Variants in NAA38 observed in about 807,000 individuals in gnomAD.
NAA38 encodes LSM domain containing 1.
Under a neutral mutation model 12.6 loss-of-function variants are expected in NAA38, and 15 were observed. The observed-to-expected ratio is 1.19, with a 90% CI of 0.79 to 1.83. The LOEUF (loss-of-function observed/expected upper bound fraction) is 1.83. Ranked by LOEUF, NAA38 falls within the 40% of genes most tolerant of loss-of-function variation. The probability of loss-of-function intolerance (pLI) is 0.00; values close to 1 mark genes in which losing one functional copy is unlikely to be tolerated. For missense variants in NAA38, 183 were observed against 171.7 expected (o/e 1.07, Z -0.37); for synonymous variants, 88 against 69.9 (o/e 1.26, Z -1.29).
intron 1 of NAA38, among the ~76,000 whole-genome samples, chr17:7,883,939 C>CT (rs1339196581): frequency 6.6e-6 from 1 of 151,816 alleles, no homozygotes; most frequent in Admixed American, 6.6e-5. Flanking sequence ...ACTAGTTAAC[C>CT]TTTAACAATT....
chr17:7,879,613 T>C (rs1967234636), intron 2 of NAA38, among the ~76,000 whole-genome samples: 1 of 151,604 alleles, frequency 6.6e-6, no homozygotes, highest in East Asian at 2.0e-4. Flanking sequence ...TTGAGTTCTT[T>C]GTTCTCACCT....
intron 2 of NAA38, among the ~76,000 whole-genome samples, chr17:7,878,902 G>A (rs1967222261): frequency 6.6e-6 from 1 of 151,488 alleles, no homozygotes; most frequent in South Asian, 2.1e-4. Flanking sequence ...CTTTAGAAAG[G>A]AAGTTTTTAA....
intron 2 of NAA38, among the ~76,000 whole-genome samples, chr17:7,878,921 A>C (rs1321767623): frequency 6.6e-6 from 1 of 151,640 alleles, no homozygotes; most frequent in African/African-American, 2.4e-5. Flanking sequence ...AACATTATAA[A>C]TATGTATATG....
At chr17:7,874,265 C>T (rs189791848) in intron 2 of NAA38, among the ~76,000 whole-genome samples, 14 of 151,978 alleles carry the variant, frequency 9.2e-5, no homozygotes, top group African/African-American at 3.4e-4. Context: ...AAAGTTGTGG[C>T]CCAAGTTGGG....
intron 2 of NAA38, chr17:7,866,700 G>T (rs1460793300): frequency 4.0e-5 from 16 of 399,486 alleles, no homozygotes; most frequent in Non-Finnish European, 7.0e-5. Flanking sequence ...CTCCAGTTAT[G>T]TCAAGTCCCT....
At chr17:7,877,430 T>C (rs1307650004) in intron 2 of NAA38, among the ~76,000 whole-genome samples, 4 of 151,686 alleles carry the variant, frequency 2.6e-5, no homozygotes, top group South Asian at 2.1e-4. Flanking sequence ...ACCATGTCTC[T>C]ACATACAGAA....
intron 2 of NAA38, among the ~76,000 whole-genome samples, chr17:7,867,822 T>C (rs980849150): frequency 6.6e-6 from 1 of 151,756 alleles, no homozygotes; most frequent in Admixed American, 6.6e-5. Flanking sequence ...AGATCGGAGA[T>C]GAAATGAAGA....
rs1227739432 is a variant in NAA38, at chr17:7,867,236, G to A, written c.-65-678C>T. The stretch of plus-strand genomic sequence containing the variant: ...AGACGCTGAGCCAGACCAAATCATA[G>A]AAGGCTTTGTAAACCAGGTTAAGTT... On this transcript the variant is annotated intron_variant, in intron 2 of 4. Coordinates refer to the NAA38 transcript ENST00000576861. Among the ~76,000 whole-genome samples the A allele has an allele frequency of 2.0e-5, 3 of 152,200 alleles. No individual in the cohort carries two copies. The East Asian group carries it at 5.8e-4, about 29-fold the overall frequency.
At chr17:7,876,248 C>T (rs1385937440) in intron 2 of NAA38, among the ~76,000 whole-genome samples, 2 of 151,998 alleles carry the variant, frequency 1.3e-5, no homozygotes, top group African/African-American at 4.8e-5. Flanking sequence ...CATCTAGTAT[C>T]AATGATCATG....
chr17:7,876,213 T>A (rs1428523230), intron 2 of NAA38, among the ~76,000 whole-genome samples: 1 of 152,118 alleles, frequency 6.6e-6, no homozygotes, highest in Non-Finnish European at 1.5e-5. Flanking sequence ...ACTGTCAGTT[T>A]GTACTCTTCT....
At chr17:7,863,475 G>A (rs987306851) in intron 3 of NAA38, 3 of 152,132 alleles carry the variant, frequency 2.0e-5, no homozygotes, top group African/African-American at 7.2e-5. Flanking sequence ...GTCATAAAGA[G>A]GCATATGTTC....
At chr17:7,878,252 G>A (rs995769076) in intron 2 of NAA38, among the ~76,000 whole-genome samples, 1 of 151,986 alleles carries the variant, frequency 6.6e-6, no homozygotes, top group Admixed American at 6.5e-5. Context: ...TGGTATAGCT[G>A]ATATATAGAT....
Position 7,857,170 on chromosome 17 carries a change from G to A in NAA38, c.110C>T (p.Ala37Val), listed in dbSNP as rs770836926. The change falls in exon 2 of 3, where the codon GCG becomes GTG. Residue 37 changes from alanine to valine, a missense_variant. Physicochemically the swap from Ala to Val is moderately conservative, Grantham distance 64. Coordinates refer to ENST00000575771, the MANE Select transcript of NAA38 (RefSeq NM_001320925.4). ...GDSDGEREDSAAERARQQLEA... is the reference protein window; with the variant it reads ...GDSDGEREDSVAERARQQLEA... ...TAGCTGCTGTCGGGCGCGCTCAGCC[G>A]CCGAGTCCTCGCGCTCTCCGTCCGA... 1.2e-4 allele frequency: 188 copies of A among 1,613,110 alleles called. 1 individual carries two copies. The South Asian group carries it at 1.9e-3, about 16-fold the overall frequency.
At chr17:7,885,079 G>T in intron 1 of NAA38, 1 of 984,076 alleles carries the variant, frequency 1.0e-6, no homozygotes, top group Non-Finnish European at 1.2e-6. Context: ...CGCCCCCGCC[G>T]CCAGGTAAGC....
At chr17:7,883,587 AT>A (rs1967358433) in intron 1 of NAA38, among the ~76,000 whole-genome samples, 1 of 152,152 alleles carries the variant, frequency 6.6e-6, no homozygotes, top group Non-Finnish European at 1.5e-5. Flanking sequence ...AAAAAACTCA[AT>A]CATCGTATCT....
At chr17:7,870,097 A>G (rs996111323) in intron 2 of NAA38, among the ~76,000 whole-genome samples, 1 of 152,158 alleles carries the variant, frequency 6.6e-6, no homozygotes, top group Non-Finnish European at 1.5e-5. Flanking sequence ...ACAGTGGTCA[A>G]TCGAAGAAGA....
intron 2 of NAA38, among the ~76,000 whole-genome samples, chr17:7,881,310 G>C (rs1192932058): frequency 2.0e-5 from 3 of 152,084 alleles, no homozygotes; most frequent in Non-Finnish European, 4.4e-5. Context: ...AGCAAGAAGA[G>C]ACGTGGACAG....
chr17:7,864,715 C>G (rs1232959650), intron 3 of NAA38: 1 of 151,976 alleles, frequency 6.6e-6, no homozygotes, highest in Non-Finnish European at 1.5e-5. Flanking sequence ...CTGGCCAACA[C>G]AGTGAAACCC....
chr17:7,874,790 G>A (rs1967144416), intron 2 of NAA38, among the ~76,000 whole-genome samples: 1 of 150,812 alleles, frequency 6.6e-6, no homozygotes, highest in South Asian at 2.1e-4. Context: ...GGAGGCTGAG[G>A]CAGGAGAATC....
Sources: gnomAD v4.1 joint callset for allele counts (sites outside exome capture counted in the v4.1 genomes callset) on GRCh38, gnomAD v4.1.1 for gene constraint, MANE v1.5 for transcripts, NCBI Gene and HGNC (gene_info 2026-07-23, HGNC 2026-07-21) for gene names.